NLGN1: variants seen among roughly 807,000 people sequenced by gnomAD.
The protein encoded by NLGN1 is neuroligin-1.
A neutral mutation model predicts 65.5 loss-of-function variants in NLGN1; 12 were observed. The observed-to-expected ratio is 0.18, with a 90% CI of 0.12 to 0.30. NLGN1 has a LOEUF of 0.30. NLGN1 is among the 10% of genes least tolerant of loss of function. NLGN1 has a pLI of 1.00. For synonymous variants in NLGN1, 350 were observed against 359.5 expected (o/e 0.97, Z 0.30); for missense variants, 750 against 1,007.1 (o/e 0.74, Z 3.46).
At chr3:174,290,808 T>A (rs568151757), downstream of NLGN1, among the ~76,000 whole-genome samples, 1 of 150,790 alleles carries the variant, frequency 6.6e-6, no homozygotes, top group East Asian at 2.0e-4. Context: ...CTCACAAAAA[T>A]GTAAGGAGAG....
At chr3:173,932,190 T>C (rs977599219) in intron 4 of NLGN1, among the ~76,000 whole-genome samples, 4 of 152,126 alleles carry the variant, frequency 2.6e-5, no homozygotes, top group African/African-American at 9.7e-5. Flanking sequence ...ATTTGGTTAT[T>C]TTTTTCAGTT....
chr3:173,988,268 T>A (rs973189337), intron 4 of NLGN1, among the ~76,000 whole-genome samples: 14 of 152,176 alleles, frequency 9.2e-5, no homozygotes, highest in Non-Finnish European at 4.4e-5. Context: ...TTTACTTGTC[T>A]TTATATAAGA....
At chr3:174,223,234 C>G (rs928836391) in intron 4 of NLGN1, among the ~76,000 whole-genome samples, 4 of 152,132 alleles carry the variant, frequency 2.6e-5, no homozygotes, top group African/African-American at 9.7e-5. Context: ...CTAGCTCACT[C>G]TCCTTTTGTG....
chr3:173,723,972 G>A (rs1295948426), intron 3 of NLGN1, among the ~76,000 whole-genome samples: 1 of 152,128 alleles, frequency 6.6e-6, no homozygotes, highest in Non-Finnish European at 1.5e-5. Context: ...TGGATGAAAG[G>A]GATAGGAGAA....
chr3:173,965,269 G>C (rs368747441), intron 4 of NLGN1, among the ~76,000 whole-genome samples: 1 of 151,716 alleles, frequency 6.6e-6, no homozygotes, highest in Non-Finnish European at 1.5e-5. Flanking sequence ...CACAAAGCAG[G>C]GTTTTGTTTT....
intron 2 of NLGN1, among the ~76,000 whole-genome samples, chr3:173,496,227 G>A (rs1221164741): frequency 6.6e-6 from 1 of 151,688 alleles, no homozygotes; most frequent in Non-Finnish European, 1.5e-5. Flanking sequence ...TTGAGTGTCT[G>A]TGTTGTGGCT....
chr3:173,989,110 C>T (rs894332178), intron 4 of NLGN1, among the ~76,000 whole-genome samples: 2 of 152,140 alleles, frequency 1.3e-5, no homozygotes, highest in African/African-American at 4.8e-5. Flanking sequence ...GGTTGTCACT[C>T]ATTAACTAAG....
intron 4 of NLGN1, among the ~76,000 whole-genome samples, chr3:173,937,848 T>C (rs1251835464): frequency 6.6e-6 from 1 of 152,192 alleles, no homozygotes; most frequent in African/African-American, 2.4e-5. Context: ...TGTATGAAGA[T>C]ATACATTAGT....
intron 2 of NLGN1, among the ~76,000 whole-genome samples, chr3:173,459,104 A>G (rs1472911509): frequency 6.6e-6 from 1 of 152,022 alleles, no homozygotes; most frequent in Non-Finnish European, 1.5e-5. Flanking sequence ...TTTATTTTGA[A>G]TGCTCAGCTC....
At chr3:174,038,602 C>T (rs1157193632) in intron 4 of NLGN1, among the ~76,000 whole-genome samples, 1 of 152,136 alleles carries the variant, frequency 6.6e-6, no homozygotes. Context: ...CAGAATGTTC[C>T]TCCATGTGCT....
chr3:173,797,118 C>G (rs114748963), intron 3 of NLGN1, among the ~76,000 whole-genome samples: 3 of 151,958 alleles, frequency 2.0e-5, no homozygotes. Context: ...GGATCTGCTG[C>G]GGTAATCCAG....
intron 4 of NLGN1, among the ~76,000 whole-genome samples, chr3:173,936,950 A>C (rs1481719110): frequency 6.6e-6 from 1 of 152,110 alleles, no homozygotes; most frequent in African/African-American, 2.4e-5. Context: ...TCCTTAACTA[A>C]AGTAGCATGT....
At chr3:174,197,538 G>GAAAA (rs1491093577) in intron 4 of NLGN1, among the ~76,000 whole-genome samples, 60 of 107,898 alleles carry the variant, frequency 5.6e-4, no homozygotes, top group African/African-American at 1.8e-3. Context: ...AAAAAAAAAA[G>GAAAA]GAGAATCCAG....
intron 2 of NLGN1, among the ~76,000 whole-genome samples, chr3:173,577,457 G>A (rs1396116910): frequency 1.3e-5 from 2 of 151,978 alleles, no homozygotes; most frequent in Non-Finnish European, 2.9e-5. Context: ...CTTCCTCCTA[G>A]TACAATTTAT....
rs563458144 is a variant in NLGN1 at position 173,578,937 on chromosome 3, A to G, written c.-320-25342A>G. ...ATTTCTATATTTTTCAATTTTACCA[A>G]TTAAATAAATGTATAAATTATAGAT... On this transcript the variant is annotated intron_variant, in intron 2 of 6. Transcript: ENST00000457714. Among the ~76,000 whole-genome samples the G allele has an allele frequency of 3.9e-5, 6 of 152,354 alleles. No homozygotes were observed. The East Asian group carries it at 9.6e-4, about 24-fold the overall frequency.
chr3:174,167,063 T>C (rs891108495), intron 4 of NLGN1, among the ~76,000 whole-genome samples: 20 of 152,044 alleles, frequency 1.3e-4, no homozygotes, highest in African/African-American at 4.8e-4. Context: ...TTACATTGAG[T>C]CCAGGGGTTG....
At chr3:174,187,558 C>T (rs957656966) in intron 4 of NLGN1, among the ~76,000 whole-genome samples, 1 of 151,980 alleles carries the variant, frequency 6.6e-6, no homozygotes, top group African/African-American at 2.4e-5. Flanking sequence ...CTGTCTGAAA[C>T]TGAAAGATTG....
chr3:173,854,598 A>G (rs934846992), intron 4 of NLGN1, among the ~76,000 whole-genome samples: 14 of 152,058 alleles, frequency 9.2e-5, no homozygotes, highest in African/African-American at 2.9e-4. Flanking sequence ...TGATTTTTGT[A>G]TGGTTACAAT....
At chr3:174,071,717 CAA>C (rs539244392) in intron 4 of NLGN1, among the ~76,000 whole-genome samples, 1,005 of 92,944 alleles carry the variant, frequency 0.011, 15 homozygotes, top group East Asian at 0.051. Flanking sequence ...GACCCTGTCC[CAA>C]AAAAAAAAAA....
Sources: gnomAD v4.1 joint callset for allele counts (sites outside exome capture counted in the v4.1 genomes callset) on GRCh38, gnomAD v4.1.1 for gene constraint, MANE v1.5 for transcripts, NCBI Gene and HGNC (gene_info 2026-07-23, HGNC 2026-07-21) for gene names.